The following SIM1 variants were observed in gnomAD, a reference collection of about 807,000 sequenced individuals.
The protein encoded by SIM1 is SIM bHLH transcription factor 1.
A neutral mutation model predicts 78.2 loss-of-function variants in SIM1; 18 were observed. The observed-to-expected ratio is 0.23, with a 90% CI of 0.16 to 0.34. SIM1 has a LOEUF of 0.34. Ranked by LOEUF, SIM1 falls within the 10% of genes least tolerant of loss-of-function variation. The pLI is 1.00. For synonymous variants in SIM1, 417 were observed against 385.2 expected, an observed-to-expected ratio of 1.08 and a Z score of -0.97; for missense variants, 939 against 975.1, an observed-to-expected ratio of 0.96 and a Z score of 0.49.
At chr6:100,414,662 G>T (rs192967977) in intron 10 of SIM1, among the ~76,000 whole-genome samples, 1 of 152,232 alleles carries the variant, frequency 6.6e-6, no homozygotes, top group East Asian at 1.9e-4. Context: ...AATGGTCAAG[G>T]ATTACACATT....
chr6:100,410,778 C>T lies in SIM1; in HGVS notation c.1167+10012G>A, dbSNP rs75356369. On this transcript the variant is annotated intron_variant, in intron 10 of 11. Coordinates refer to ENST00000369208, the MANE Select transcript of SIM1 (RefSeq NM_005068.3). ...GAATATCATATTTCAGGAATCTTAT[C>T]CTGGCAGGAATGATCAGAGACCAAA... Among the ~76,000 whole-genome samples, 338 of 152,218 alleles carry T rather than the reference C, an allele frequency of 2.2e-3. 2 individuals carry two copies. The highest frequency in any genetic ancestry group is 3.4e-3 in the Non-Finnish European group (233 of 68,012).
intron 9 of SIM1, among the ~76,000 whole-genome samples, chr6:100,422,657 C>T (rs1417579772): frequency 6.6e-6 from 1 of 152,002 alleles, no homozygotes; most frequent in African/African-American, 2.4e-5. Flanking sequence ...ACTTGAAAAT[C>T]GCTAATAGAG....
rs1420028317 is a variant in SIM1, at chr6:100,464,752, T to G, written c.-606A>C. The G allele has an allele frequency of 6.6e-6, 1 of 152,214 alleles. No homozygotes were observed. Among genetic ancestry groups the G allele is most frequent in the African/African-American group, 2.4e-5 (1 of 41,416 alleles). The allele number at this position is 152,214 out of a possible 1,614,324, so 9.4% of individuals were successfully genotyped here. On this transcript the variant is annotated 5_prime_UTR_variant, in exon 1 of 12. Coordinates refer to ENST00000369208, the MANE Select transcript of SIM1 (RefSeq NM_005068.3). ...GGAGCAGAGCATTCCCGGCTCCCTTTTCTGGATCATGAATTGGAGGAGGGG... is the reference window on the plus strand; with the variant it reads ...GGAGCAGAGCATTCCCGGCTCCCTTGTCTGGATCATGAATTGGAGGAGGGG...
chr6:100,458,013 TCTCTCTCTCTCTCTCTCTCTCTC>T (rs1772722249), intron 2 of SIM1, among the ~76,000 whole-genome samples: 4 of 12,408 alleles, frequency 3.2e-4, no homozygotes, highest in East Asian at 1.8e-3. Flanking sequence ...TCTTTCTCTC[TCTCTCTCTCTCTCTCTCTCTCTC>T]TCTCTCTCTC....
rs1436420470 is a variant in SIM1, at chr6:100,388,008, T to C, written c.*2353A>G. ...CATCAAATATTTTTTCTTCCAAACA[T>C]CTATCAATCTACAGAATTCTACAAA... On this transcript the variant is annotated 3_prime_UTR_variant, in exon 12 of 12. Transcript: ENST00000369208. 6.6e-6 allele frequency: 1 copy of C among 152,158 alleles called. No homozygotes were observed. The highest frequency in any genetic ancestry group is 1.5e-5 in the Non-Finnish European group (1 of 67,996). The allele number at this position is 152,158 out of a possible 1,614,324, so 9.4% of individuals were successfully genotyped here. A position where few individuals can be genotyped will look rare whatever the true frequency, so the allele number is the denominator to read the frequency against.
rs752813344 is a variant in SIM1, at chr6:100,393,838, C to G, written c.1219G>C (p.Gly407Arg). 1.2e-6 allele frequency: 2 copies of G among 1,605,204 alleles called. No individual in the cohort carries two copies. Among genetic ancestry groups the G allele is most frequent in the Admixed American group, 3.4e-5 (2 of 59,342 alleles). The change falls in exon 11 of 12, where the codon GGC (glycine) becomes CGC (arginine). Residue 407 changes from glycine to arginine, a missense_variant. By Grantham distance (125) the Gly-to-Arg change is moderately radical. Around this residue, in one of 5 missense-constraint regions of SIM1, gnomAD observed 556 missense variants for 521.9 expected, o/e 1.07. Coordinates refer to ENST00000369208, the MANE Select transcript of SIM1 (RefSeq NM_005068.3). ...RSESDHDSQW[G>R]GSPLTDTASP... ...GCCGTGTCGGTCAAGGGACTTCCGC[C>G]CCACTGGCTGTCATGATCAGATTCC...
rs137870558 is a variant in SIM1, at chr6:100,391,013, C to T, written c.1649G>A (p.Arg550His). The change falls in exon 12 of 12, where the codon CGT becomes CAT. Residue 550 changes from arginine (R) to histidine (H), a missense_variant. Transcript: ENST00000369208. ...GSASESGDRY[R>H]TEQYQSSPHE... The stretch of plus-strand genomic sequence containing the variant: ...TGGGCTACTTTGATACTGCTCAGTA[C>T]GATATCGGTCACCTGATTCACTGGC... 142 of 1,614,098 alleles carry T rather than the reference C, an allele frequency of 8.8e-5. No individual in the cohort carries two copies. Among genetic ancestry groups the T allele is most frequent in the Non-Finnish European group, 1.1e-4 (131 of 1,180,012 alleles).
chr6:100,456,419 G>T (rs1772663599), intron 2 of SIM1, among the ~76,000 whole-genome samples: 1 of 152,196 alleles, frequency 6.6e-6, no homozygotes, highest in African/African-American at 2.4e-5. Flanking sequence ...AAAATGAGGA[G>T]GAAACCAGCT....
At chr6:100,451,560 G>A (rs1214098880) in intron 3 of SIM1, among the ~76,000 whole-genome samples, 1 of 152,186 alleles carries the variant, frequency 6.6e-6, no homozygotes, top group Non-Finnish European at 1.5e-5. Flanking sequence ...GCAGAATGCA[G>A]ACAGTGATCT....
In SIM1 at chr6:100,449,578, G is replaced by A. The variant is rs527523241; in HGVS notation, c.457+13C>T. Reference sequence around the variant, plus strand: ...CGATGGGCCTGAGCGTCGCAGGCATGTGTCTACCTTACCCTGCACGAAGTG... The same window carrying A: ...CGATGGGCCTGAGCGTCGCAGGCATATGTCTACCTTACCCTGCACGAAGTG... On this transcript the variant is annotated intron_variant, in intron 5 of 11. Transcript: ENST00000369208. 7.5e-6 allele frequency: 12 copies of A among 1,608,518 alleles called. No individual in the cohort carries two copies. In the African/African-American group the frequency reaches 1.1e-4, roughly 14 times the overall value.
intron 3 of SIM1, among the ~76,000 whole-genome samples, 196 bp from the exon 4 acceptor site, chr6:100,450,552 T>A (rs909957453): frequency 1.3e-5 from 2 of 152,160 alleles, no homozygotes; most frequent in African/African-American, 2.4e-5. Flanking sequence ...ATCTGGGGCA[T>A]GCAGCCCAAT....
At chr6:100,394,118 C>A in intron 10 of SIM1, 1 of 445,310 alleles carries the variant, frequency 2.2e-6, no homozygotes, top group Non-Finnish European at 3.9e-6. Flanking sequence ...TTGATGAAAG[C>A]AGGAGATAAA....
chr6:100,402,567 CTTTT>C (rs869130841), intron 10 of SIM1, among the ~76,000 whole-genome samples: 4 of 76,332 alleles, frequency 5.2e-5, no homozygotes, highest in East Asian at 5.6e-4. Context: ...TTTCTTTTCT[CTTTT>C]TTTTTTTTTT....
intron 9 of SIM1, among the ~76,000 whole-genome samples, chr6:100,445,451 C>T (rs1341977030): frequency 6.6e-6 from 1 of 152,160 alleles, no homozygotes; most frequent in Non-Finnish European, 1.5e-5. Flanking sequence ...TATTTATCCT[C>T]ATTACATCTT....
At chr6:100,420,133 T>C (rs3778035) in intron 10 of SIM1, among the ~76,000 whole-genome samples, 10,389 of 152,270 alleles carry the variant, frequency 0.068, 481 homozygotes, top group East Asian at 0.18. Context: ...TGACACAGTC[T>C]AGTTTATATG....
At chr6:100,392,098 C>T (rs993696757) in intron 11 of SIM1, among the ~76,000 whole-genome samples, 15 of 152,072 alleles carry the variant, frequency 9.9e-5, no homozygotes, top group African/African-American at 2.7e-4. Context: ...TGCTTGAACC[C>T]GGGAGGCAGA....
Position 100,387,043 on chromosome 6 carries a change from G to A in SIM1, c.*3318C>T, listed in dbSNP as rs940361131. The A allele has an allele frequency of 6.6e-6, 1 of 151,876 alleles. No homozygotes were observed. Among genetic ancestry groups the A allele is most frequent in the Non-Finnish European group, 1.5e-5 (1 of 67,892 alleles). 9.4% of individuals were successfully genotyped at this position (151,876 alleles called of 1,614,324 possible). On this transcript the variant is annotated 3_prime_UTR_variant, in exon 12 of 12. Transcript: ENST00000369208. ...TGGGGAAACTTCATTCACTTCTTTGGTCATCCAAATTTTTAAAGTAGGTAT... is the reference window on the plus strand; with the variant it reads ...TGGGGAAACTTCATTCACTTCTTTGATCATCCAAATTTTTAAAGTAGGTAT...
intron 3 of SIM1, among the ~76,000 whole-genome samples, chr6:100,450,694 TCTCACA>T (rs762348445): frequency 0.034 from 3,152 of 93,136 alleles, 69 homozygotes; most frequent in Admixed American, 0.11. Context: ...TCTCTCTCTC[TCTCACA>T]CACACACACA....
chr6:100,456,157 C>G (rs530315269), intron 2 of SIM1, among the ~76,000 whole-genome samples: 4 of 151,996 alleles, frequency 2.6e-5, no homozygotes, highest in Non-Finnish European at 4.4e-5. Context: ...TTATAAGGGA[C>G]TGGCTACTCT....
Sources: allele counts gnomAD v4.1 joint callset (sites outside exome capture counted in the v4.1 genomes callset), GRCh38; gene constraint gnomAD v4.1.1; regional missense constraint gnomAD v4.1.1; transcripts MANE v1.5; gene names NCBI Gene and HGNC (gene_info 2026-07-23, HGNC 2026-07-21).